The following PTPRE variants were observed in gnomAD, a reference collection of about 807,000 sequenced individuals.
PTPRE encodes the protein receptor-type tyrosine-protein phosphatase epsilon.
In PTPRE, 51 loss-of-function variants were observed where a neutral mutation model predicts 102.0. The observed-to-expected ratio is 0.50, with a 90% CI of 0.40 to 0.63. PTPRE has a LOEUF of 0.63. Among genes scored for constraint, PTPRE ranks in the 30% least tolerant of loss-of-function variants. PTPRE has a pLI of 0.00. For missense variants in PTPRE, 752 were observed against 915.1 expected, an observed-to-expected ratio of 0.82 and a Z score of 2.30; for synonymous variants, 345 against 348.2, an observed-to-expected ratio of 0.99 and a Z score of 0.10.
chr10:127,948,935 C>A (rs992069415), intron 1 of PTPRE, among the ~76,000 whole-genome samples: 13 of 152,176 alleles, frequency 8.5e-5, no homozygotes, highest in Non-Finnish European at 1.9e-4. Context: ...TGCTGGGGAC[C>A]CAGACACGAC....
At chr10:128,047,256 TTC>T (rs1298801862) in intron 3 of PTPRE, 132 bp from the exon 4 acceptor site, 1 of 1,329,066 alleles carries the variant, frequency 7.5e-7, no homozygotes, top group Admixed American at 2.8e-5. Context: ...GTGGGGCCTT[TTC>T]AGGATGATGG....
intron 12 of PTPRE, 96 bp from the exon 13 acceptor site, chr10:128,069,596 C>G (rs923259643): frequency 9.9e-5 from 151 of 1,522,804 alleles, no homozygotes; most frequent in Non-Finnish European, 1.3e-4. Context: ...CAAAAAGTTG[C>G]ATCCAGTGAC....
chr10:128,031,947 G>A (rs1846793807), intron 2 of PTPRE, among the ~76,000 whole-genome samples: 1 of 152,090 alleles, frequency 6.6e-6, no homozygotes, highest in African/African-American at 2.4e-5. Context: ...CCTATTTTCT[G>A]CTTGCTATCC....
intron 1 of PTPRE, among the ~76,000 whole-genome samples, chr10:127,932,376 A>T (rs954181889): frequency 6.6e-6 from 1 of 152,228 alleles, no homozygotes; most frequent in African/African-American, 2.4e-5. Flanking sequence ...ACTTACGTTA[A>T]GTGCTTATGT....
chr10:128,072,157 C>G lies in PTPRE; in HGVS notation c.1407C>G (p.Ile469Met). The G allele has an allele frequency of 6.2e-7, 1 of 1,613,954 alleles. No homozygotes were observed. The highest frequency in any genetic ancestry group is 8.5e-7 in the Non-Finnish European group (1 of 1,179,908). The change falls in exon 16 of 21, where the codon ATC becomes ATG. Residue 469 changes from isoleucine (I) to methionine (M), a missense_variant. Physicochemically the swap from Ile to Met is conservative, Grantham distance 10. Around this residue, in one of 2 missense-constraint regions of PTPRE, gnomAD observed 636 missense variants for 824.4 expected, o/e 0.77. Coordinates refer to ENST00000254667, the MANE Select transcript of PTPRE (RefSeq NM_006504.6). ...TTGCAGATGACTTCAACCGAGTGAT[C>G]CTTTCCATGAAAAGGGGTCAAGAAT... Reference protein sequence around the residue: ...QIIPYDFNRVILSMKRGQEYT... With the variant: ...QIIPYDFNRVMLSMKRGQEYT...
At chr10:128,035,059 T>C (rs757147644) in intron 2 of PTPRE, among the ~76,000 whole-genome samples, 6 of 152,240 alleles carry the variant, frequency 3.9e-5, no homozygotes, top group Non-Finnish European at 8.8e-5. Flanking sequence ...TCTCGGCTAT[T>C]GCAACCTCCG....
At chr10:128,036,331 C>G (rs1461515216) in intron 2 of PTPRE, among the ~76,000 whole-genome samples, 1 of 152,118 alleles carries the variant, frequency 6.6e-6, no homozygotes, top group Non-Finnish European at 1.5e-5. Context: ...GACAAGGCCC[C>G]AGACCCCAGA....
intron 1 of PTPRE, among the ~76,000 whole-genome samples, chr10:127,937,429 G>A (rs1847914723): frequency 5.3e-5 from 8 of 152,154 alleles, no homozygotes; most frequent in Admixed American, 5.2e-4. Context: ...GCTGGAAGGA[G>A]GTTCTAGTGA....
At chr10:127,979,631 T>C (rs1327601838) in intron 1 of PTPRE, among the ~76,000 whole-genome samples, 1 of 152,224 alleles carries the variant, frequency 6.6e-6, no homozygotes, top group South Asian at 2.1e-4. Context: ...GAGCCATGAT[T>C]GCACCGCTGC....
In PTPRE at chr10:128,069,789, C is replaced by G. The variant is rs759246250; in HGVS notation, c.1105C>G (p.Arg369Gly). The G allele has an allele frequency of 5.6e-6, 9 of 1,614,220 alleles. No individual in the cohort carries two copies. The Admixed American group carries it at 6.7e-5, about 12-fold the overall frequency. ...QKVDVFEFVSRIRNQRPQMVQ... is the reference protein window; with the variant it reads ...QKVDVFEFVSGIRNQRPQMVQ... Reference sequence around the variant, plus strand: ...GGTGGATGTGTTTGAATTTGTGTCTCGAATCCGTAATCAGCGCCCTCAGAT... The same window carrying G: ...GGTGGATGTGTTTGAATTTGTGTCTGGAATCCGTAATCAGCGCCCTCAGAT... The change falls in exon 13 of 21, where the codon CGA becomes GGA. Residue 369 changes from arginine to glycine, a missense_variant. Around this residue, in one of 2 missense-constraint regions of PTPRE, gnomAD observed 636 missense variants for 824.4 expected, o/e 0.77. Transcript: ENST00000254667.
chr10:127,933,286 A>C (rs752496593), intron 1 of PTPRE, among the ~76,000 whole-genome samples: 2 of 152,174 alleles, frequency 1.3e-5, no homozygotes, highest in African/African-American at 4.8e-5. Context: ...AAAATGACAA[A>C]ATTCAAGGCT....
chr10:128,025,158 C>CAAAAAAAAA (rs71472683), intron 2 of PTPRE, among the ~76,000 whole-genome samples: 22 of 65,740 alleles, frequency 3.3e-4, no homozygotes, highest in Non-Finnish European at 2.9e-4. Context: ...GATCCTGTCT[C>CAAAAAAAAA]AAAAAAAAAA....
rs546170597 is a variant in PTPRE, at chr10:128,067,240, GCA to G, written c.844-876_844-875del. Among the ~76,000 whole-genome samples, 491 of 85,346 alleles carry G rather than the reference GCA, an allele frequency of 5.8e-3. 1 individual carries two copies. The highest frequency in any genetic ancestry group is 0.021 in the African/African-American group (446 of 21,476). The allele number at this position is 85,346 out of a possible 152,430, so 56.0% of individuals were successfully genotyped here. On this transcript the variant is annotated intron_variant, in intron 11 of 20. Transcript: ENST00000254667. ...TTCACATGCACACACATGCACACAC[GCA>G]CACACATTCATGCACATGCATACAT...
At chr10:127,967,301 TC>T (rs1055992555) in intron 1 of PTPRE, among the ~76,000 whole-genome samples, 1 of 152,204 alleles carries the variant, frequency 6.6e-6, no homozygotes, top group Non-Finnish European at 1.5e-5. Flanking sequence ...TTTGGCTGTG[TC>T]CCCACCCAAA....
intron 1 of PTPRE, among the ~76,000 whole-genome samples, chr10:127,936,431 T>C (rs986586757): frequency 6.6e-5 from 10 of 152,218 alleles, no homozygotes; most frequent in Admixed American, 1.3e-4. Flanking sequence ...ATGGTATTAA[T>C]TAATAGTGTG....
intron 1 of PTPRE, among the ~76,000 whole-genome samples, chr10:127,930,760 G>A (rs527988709): frequency 4.6e-5 from 7 of 151,276 alleles, no homozygotes; most frequent in African/African-American, 1.7e-4. Context: ...GCCAACATTT[G>A]CTATTGCCAG....
chr10:128,078,836 C>T (rs61225060), intron 19 of PTPRE, among the ~76,000 whole-genome samples: 3,191 of 152,296 alleles, frequency 0.021, 92 homozygotes, highest in African/African-American at 0.071. Context: ...TGCGGCAGGA[C>T]AGGAGCCTTG....
chr10:127,961,594 C>T (rs1234969245), intron 1 of PTPRE, among the ~76,000 whole-genome samples: 5 of 152,134 alleles, frequency 3.3e-5, no homozygotes, highest in Non-Finnish European at 7.4e-5. Flanking sequence ...GGGTGGGCCC[C>T]GCCTTAGACT....
chr10:127,916,796 G>A (rs776483374), intron 1 of PTPRE, among the ~76,000 whole-genome samples: 3 of 152,154 alleles, frequency 2.0e-5, no homozygotes, highest in Non-Finnish European at 2.9e-5. Context: ...AGTTCTTACC[G>A]TGTCTTAAAT....
Sources: gnomAD v4.1 joint callset for allele counts (sites outside exome capture counted in the v4.1 genomes callset) on GRCh38, gnomAD v4.1.1 for gene constraint, gnomAD v4.1.1 regional missense constraint, MANE v1.5 for transcripts, NCBI Gene and HGNC (gene_info 2026-07-23, HGNC 2026-07-21) for gene names.